Variants in NRCAM observed in about 807,000 individuals in gnomAD.
NRCAM encodes the protein NgCAM-related cell adhesion molecule.
In NRCAM, 83 loss-of-function variants were observed where a neutral mutation model predicts 156.5. The observed-to-expected ratio is 0.53, with a 90% CI of 0.44 to 0.64. The LOEUF is 0.64. Ranked by LOEUF, NRCAM falls within the 30% of genes least tolerant of loss-of-function variation. The probability of loss-of-function intolerance (pLI) is 0.00; values close to 1 mark genes in which losing one functional copy is unlikely to be tolerated. For missense variants in NRCAM, 1,417 were observed against 1,597.3 expected (o/e 0.89, Z 1.92); for synonymous variants, 538 against 563.9 (o/e 0.95, Z 0.65).
chr7:108,168,540 T>G, intron 28 of NRCAM, 138 bp from the exon 29 acceptor site: 1 of 744,048 alleles, frequency 1.3e-6, no homozygotes, highest in East Asian at 3.5e-5. Flanking sequence ...GGTTCACTCA[T>G]GCTTTGCTTT....
At chr7:108,196,430 T>A (rs964715604) in intron 14 of NRCAM, among the ~76,000 whole-genome samples, 1 of 152,158 alleles carries the variant, frequency 6.6e-6, no homozygotes, top group African/African-American at 2.4e-5. Flanking sequence ...TTGCAAACCA[T>A]GTATCTGGTA....
At chr7:108,455,130 A>G (rs938310526) in intron 1 of NRCAM, among the ~76,000 whole-genome samples, 4 of 152,152 alleles carry the variant, frequency 2.6e-5, no homozygotes, top group African/African-American at 9.7e-5. Flanking sequence ...GGAGCCCTCC[A>G]GCAGCGCTTG....
intron 3 of NRCAM, among the ~76,000 whole-genome samples, chr7:108,299,148 G>GA (rs1563165051): frequency 7.1e-5 from 4 of 56,228 alleles, no homozygotes; most frequent in African/African-American, 2.5e-4. Flanking sequence ...GAAAAGAAAA[G>GA]TAAAAAAAAA....
chr7:108,194,789 G>A (rs1176404339), intron 15 of NRCAM, among the ~76,000 whole-genome samples: 1 of 152,218 alleles, frequency 6.6e-6, no homozygotes, highest in Non-Finnish European at 1.5e-5. Context: ...ACTTAGCACA[G>A]CATCTAGGAC....
chr7:108,341,975 G>A (rs2099285251), intron 2 of NRCAM, among the ~76,000 whole-genome samples: 1 of 152,130 alleles, frequency 6.6e-6, no homozygotes, highest in Non-Finnish European at 1.5e-5. Flanking sequence ...GGACCTTAAG[G>A]ATGCCTTTTT....
At chr7:108,191,134 A>C in intron 19 of NRCAM, 120 bp downstream of exon 19, 1 of 740,880 alleles carries the variant, frequency 1.3e-6, no homozygotes, top group Non-Finnish European at 2.2e-6. Flanking sequence ...ATAACAACTG[A>C]CAGAGACCTT....
At chr7:108,207,452 T>A in intron 13 of NRCAM, 76 bp downstream of exon 13, 6 of 1,439,780 alleles carry the variant, frequency 4.2e-6, no homozygotes, top group Non-Finnish European at 5.6e-6. Context: ...TATTTTTTTA[T>A]CACCATTTAT....
rs868439447 is a variant in NRCAM at position 108,231,113 on chromosome 7, T to C, written c.468A>G (p.Thr156=). 17 of 1,607,002 alleles carry C rather than the reference T, an allele frequency of 1.1e-5. No homozygotes were observed. The Middle Eastern group carries it at 6.6e-4, about 63-fold the overall frequency. The change falls in exon 8 of 33, where the codon ACA becomes ACG. Residue 156 remains threonine (T), a synonymous_variant. Coordinates refer to ENST00000379028, the MANE Select transcript of NRCAM (RefSeq NM_001037132.4). ...LWTKEKLEPI[T]LQSGQSLVLP... is the part of the protein sequence containing the mutation. ...GTACTAAAGACTGACCACTTTGAAGTGTGATTGGTTCAAGTTTTTCTTTGG... is the reference window on the plus strand; with the variant it reads ...GTACTAAAGACTGACCACTTTGAAGCGTGATTGGTTCAAGTTTTTCTTTGG...
chr7:108,299,129 A>G (rs1184404218), intron 3 of NRCAM, among the ~76,000 whole-genome samples: 6 of 109,898 alleles, frequency 5.5e-5, no homozygotes, highest in Admixed American at 9.4e-5. Context: ...AAAGAAAGAA[A>G]GAAAGAAAGA....
At position 108,149,745 on chromosome 7, in the gene NRCAM, A is replaced by AT. The variant is rs2040201526; in HGVS notation, c.*164dup. The AT allele has an allele frequency of 1.6e-6, 1 of 639,992 alleles. No individual in the cohort carries two copies. Among genetic ancestry groups the AT allele is most frequent in the African/African-American group, 1.8e-5 (1 of 54,594 alleles). The allele number at this position is 639,992 out of a possible 1,614,324, so 39.6% of individuals were successfully genotyped here. Reference sequence around the variant, plus strand: ...ACTTTGCATTCCAGTTCATATTAACATATCATTTGACTGAGTTATGTTTTT... The same window carrying AT: ...ACTTTGCATTCCAGTTCATATTAACATTATCATTTGACTGAGTTATGTTTTT... On this transcript the variant is annotated 3_prime_UTR_variant, in exon 33 of 33. Coordinates refer to ENST00000379028, the MANE Select transcript of NRCAM (RefSeq NM_001037132.4).
intron 3 of NRCAM, among the ~76,000 whole-genome samples, chr7:108,304,762 T>A (rs964611392): frequency 6.6e-6 from 1 of 152,172 alleles, no homozygotes; most frequent in South Asian, 2.1e-4. Context: ...ATTTGACTCA[T>A]AACTGAGGGA....
intron 1 of NRCAM, among the ~76,000 whole-genome samples, chr7:108,448,903 C>T (rs1296144954): frequency 1.3e-5 from 2 of 152,108 alleles, no homozygotes; most frequent in East Asian, 1.9e-4. Flanking sequence ...GACAACACCA[C>T]AACACTGCGA....
intron 20 of NRCAM, among the ~76,000 whole-genome samples, chr7:108,188,653 T>C (rs6946800): frequency 0.026 from 3,822 of 149,388 alleles, 157 homozygotes; most frequent in African/African-American, 0.089. Context: ...AAAAAGAGTC[T>C]CCAAGCCATC....
chr7:108,411,460 AT>A (rs546278415), intron 1 of NRCAM, among the ~76,000 whole-genome samples: 18 of 152,148 alleles, frequency 1.2e-4, no homozygotes, highest in Non-Finnish European at 2.1e-4. Context: ...ACTATATGCT[AT>A]TTTACAACTT....
At chr7:108,340,381 T>C (rs865926988) in intron 2 of NRCAM, among the ~76,000 whole-genome samples, 5 of 138,392 alleles carry the variant, frequency 3.6e-5, no homozygotes, top group Admixed American at 7.4e-5. Context: ...CTGATGGCTA[T>C]ATTGATGTTT....
chr7:108,149,662 T>C lies in NRCAM; in HGVS notation c.*248A>G. The C allele has an allele frequency of 2.0e-6, 1 of 498,750 alleles. No homozygotes were observed. The allele number at this position is 498,750 out of a possible 1,614,324, so 30.9% of individuals were successfully genotyped here. Reference sequence around the variant, plus strand: ...AACAGGATCTGTTGGTGATGTTGCATTATTTTTTATCAGTTCTGAGGAAAT... The same window carrying C: ...AACAGGATCTGTTGGTGATGTTGCACTATTTTTTATCAGTTCTGAGGAAAT... On this transcript the variant is annotated 3_prime_UTR_variant, in exon 33 of 33. Coordinates refer to ENST00000379028, the MANE Select transcript of NRCAM (RefSeq NM_001037132.4).
At chr7:108,349,589 T>C (rs1307253983) in intron 2 of NRCAM, among the ~76,000 whole-genome samples, 1 of 152,128 alleles carries the variant, frequency 6.6e-6, no homozygotes, top group African/African-American at 2.4e-5. Context: ...TCTTAAATCT[T>C]GTTCTTAGTC....
chr7:108,225,726 G>A (rs753877258), intron 9 of NRCAM, 25 bp from the exon 10 acceptor site: 1 of 1,501,706 alleles, frequency 6.7e-7, no homozygotes, highest in South Asian at 1.1e-5. Context: ...ATATTATGAA[G>A]AGGGCATAAA....
rs540536563 is a variant in NRCAM, at chr7:108,216,764, C to T, written c.890+6961G>A. Among the ~76,000 whole-genome samples the T allele has an allele frequency of 1.6e-4, 25 of 152,092 alleles. 1 individual carries two copies. The highest frequency in any genetic ancestry group is 6.2e-4 in the South Asian group (3 of 4,820). On this transcript the variant is annotated intron_variant, in intron 11 of 32. Coordinates refer to ENST00000379028, the MANE Select transcript of NRCAM (RefSeq NM_001037132.4). ...TCGTGCTGTGTTTTTCAGCTCCATC[C>T]GGTCATTTATGTTCTTCTCTAAACT...
Sources: allele counts gnomAD v4.1 joint callset (sites outside exome capture counted in the v4.1 genomes callset), GRCh38; gene constraint gnomAD v4.1.1; transcripts MANE v1.5; gene names NCBI Gene and HGNC (gene_info 2026-07-23, HGNC 2026-07-21).